The following SLC35E3 variants were observed in gnomAD, a reference collection of about 807,000 sequenced individuals.
SLC35E3 encodes solute carrier family 35 member E3, also known as bladder cancer-overexpressed gene 1 protein.
SLC35E3 carries 28 observed loss-of-function variants against 30.8 expected under a neutral mutation model. The observed-to-expected ratio is 0.91, with a 90% CI of 0.67 to 1.25. The LOEUF (loss-of-function observed/expected upper bound fraction) is 1.25, where lower values mean the gene tolerates loss of function less well. Among genes scored for constraint, SLC35E3 ranks in the 50% most tolerant of loss-of-function variants. The probability of loss-of-function intolerance (pLI) is 0.00; values close to 1 mark genes in which losing one functional copy is unlikely to be tolerated. For synonymous variants in SLC35E3, 146 were observed against 149.2 expected, an observed-to-expected ratio of 0.98 and a Z score of 0.16; for missense variants, 365 against 375.4, an observed-to-expected ratio of 0.97 and a Z score of 0.23.
rs764706463 is a variant in SLC35E3 at position 68,746,367 on chromosome 12, T to G, written c.-11T>G. On this transcript the variant is annotated 5_prime_UTR_variant, in exon 1 of 5. Transcript: ENST00000398004. ...CTTCCGAGGCTAGACGGCCCCAGCTTCGCGGGGATCATGGCATTGCTGGTG... is the reference window on the plus strand; with the variant it reads ...CTTCCGAGGCTAGACGGCCCCAGCTGCGCGGGGATCATGGCATTGCTGGTG... The G allele has an allele frequency of 8.3e-6, 13 of 1,556,994 alleles. No homozygotes were observed. Among genetic ancestry groups the G allele is most frequent in the Non-Finnish European group, 1.0e-5 (12 of 1,150,064 alleles).
Position 68,773,767 on chromosome 12 carries a change from A to G in SLC35E3, c.*8877A>G, listed in dbSNP as rs948198386. Reference sequence around the variant, plus strand: ...AGAATTATGGTGTGACTCATTGACCATATTTGTTAGGATCAGCATTTTTAT... The same window carrying G: ...AGAATTATGGTGTGACTCATTGACCGTATTTGTTAGGATCAGCATTTTTAT... On this transcript the variant is annotated 3_prime_UTR_variant, in exon 5 of 5. Transcript: ENST00000398004. 3 of 152,268 alleles carry G rather than the reference A, an allele frequency of 2.0e-5. No homozygotes were observed. In the East Asian group the frequency reaches 5.8e-4, roughly 29 times the overall value. The allele number at this position is 152,268 out of a possible 1,614,324, so 9.4% of individuals were successfully genotyped here.
At position 68,771,270 on chromosome 12, in the gene SLC35E3, T is replaced by C. The variant is rs1226583213; in HGVS notation, c.*6380T>C. ...GCCTGGGTGACAGAGAGAGACTCTATCTCAGAAAAAAAAAAAAAAGATGTT... is the reference window on the plus strand; with the variant it reads ...GCCTGGGTGACAGAGAGAGACTCTACCTCAGAAAAAAAAAAAAAAGATGTT... On this transcript the variant is annotated 3_prime_UTR_variant, in exon 5 of 5. Transcript: ENST00000398004. 1.4e-5 allele frequency: 2 copies of C among 148,138 alleles called. No individual in the cohort carries two copies. Among genetic ancestry groups the C allele is most frequent in the African/African-American group, 2.5e-5 (1 of 39,720 alleles). 9.2% of individuals were successfully genotyped at this position (148,138 alleles called of 1,614,324 possible).
rs540536534 is a variant in SLC35E3, at chr12:68,746,751, CCTT to C, written c.377_379del (p.Phe126del). On this transcript the variant is annotated inframe_deletion, in exon 1 of 5. Coordinates refer to ENST00000398004, the MANE Select transcript of SLC35E3 (RefSeq NM_018656.5). ...ATCCAGACCTTCTGCTACCAGAAAA[CCTT>C]CTCCACCAGAATCCAGCTCACGCTG... 1.7e-4 allele frequency: 268 copies of C among 1,595,782 alleles called. No homozygotes were observed. In the Admixed American group the frequency reaches 2.1e-3, roughly 12 times the overall value.
chr12:68,751,637 G>A (rs1043807260), intron 2 of SLC35E3, among the ~76,000 whole-genome samples: 6 of 152,068 alleles, frequency 3.9e-5, no homozygotes, highest in Non-Finnish European at 8.8e-5. Context: ...AGAAAGAAAT[G>A]AAGTCCAACA....
At position 68,752,074 on chromosome 12, in the gene SLC35E3, C is replaced by G. The variant is rs1433204740; in HGVS notation, c.556C>G (p.Gln186Glu). The G allele has an allele frequency of 3.7e-6, 6 of 1,611,674 alleles. No homozygotes were observed. The highest frequency in any genetic ancestry group is 5.1e-6 in the Non-Finnish European group (6 of 1,179,444). Residue 186 changes from glutamine (Q) to glutamate (E), a missense_variant, in exon 3 of 5, where the codon CAG (glutamine) becomes GAG (glutamate). Gln to Glu is a conservative substitution (Grantham distance 29, BLOSUM62 2). Transcript: ENST00000398004. ...KQHELQVNSM[Q>E]LLYYQAPMSS... ...GCATGAATTACAAGTGAACTCAATG[C>G]AGCTGCTGTACTACCAGGCTCCGAT... is the stretch of plus-strand genomic sequence containing the variant.
rs953586842 is a variant in SLC35E3 at position 68,767,300 on chromosome 12, C to G, written c.*2410C>G. 2.0e-4 allele frequency: 30 copies of G among 152,004 alleles called. No individual in the cohort carries two copies. Among genetic ancestry groups the G allele is most frequent in the African/African-American group, 7.2e-4 (30 of 41,472 alleles). 9.4% of individuals were successfully genotyped at this position (152,004 alleles called of 1,614,324 possible). On this transcript the variant is annotated 3_prime_UTR_variant, in exon 5 of 5. Coordinates refer to ENST00000398004, the MANE Select transcript of SLC35E3 (RefSeq NM_018656.5). ...TATTTATCAACTTTCATGGAGAAAA[C>G]AACTCTTAGGAGAACAAAGACCAGC...
chr12:68,764,555 T>G lies in SLC35E3; in HGVS notation c.756-149T>G. 5.4e-6 allele frequency: 3 copies of G among 551,436 alleles called. No individual in the cohort carries two copies. The South Asian group carries it at 1.1e-4, about 20-fold the overall frequency. 34.2% of individuals were successfully genotyped at this position (551,436 alleles called of 1,614,324 possible). ...CCACCACCTCAGCTTCCCAAAGTGC[T>G]GGGATTACAGGCATGATCCACCACG... On this transcript the variant is annotated intron_variant, in intron 4 of 4. Coordinates refer to ENST00000398004, the MANE Select transcript of SLC35E3 (RefSeq NM_018656.5).
At chr12:68,764,020 G>T (rs1565717887) in intron 4 of SLC35E3, among the ~76,000 whole-genome samples, 2 of 152,160 alleles carry the variant, frequency 1.3e-5, no homozygotes. Context: ...TTGGTGCTCA[G>T]TATTACTCCC....
At position 68,746,425 on chromosome 12, in the gene SLC35E3, C is replaced by A. The variant is rs747798560; in HGVS notation, c.48C>A (p.Ala16=). 1.2e-6 allele frequency: 2 copies of A among 1,611,630 alleles called. No individual in the cohort carries two copies. Among genetic ancestry groups the A allele is most frequent in the Admixed American group, 3.3e-5 (2 of 59,796 alleles). The change falls in exon 1 of 5, where the codon GCC becomes GCA. Residue 16 remains alanine, a synonymous_variant. Coordinates refer to ENST00000398004, the MANE Select transcript of SLC35E3 (RefSeq NM_018656.5). ...TGCGGGGCCACTGGCGAATCGCCGC[C>A]GGGCTCCTGTTCAACCTGCTGGTGT... ...DRVRGHWRIA[A]GLLFNLLVSI...
At chr12:68,753,703 C>T (rs1878891766) in intron 3 of SLC35E3, among the ~76,000 whole-genome samples, 1 of 151,828 alleles carries the variant, frequency 6.6e-6, no homozygotes, top group East Asian at 1.9e-4. Flanking sequence ...TTCCATTACC[C>T]CCTAATCTTC....
Position 68,767,043 on chromosome 12 carries a change from A to G in SLC35E3, c.*2153A>G, listed in dbSNP as rs141426138. The G allele has an allele frequency of 6.0e-6, 1 of 167,180 alleles. No homozygotes were observed. The highest frequency in any genetic ancestry group is 1.8e-4 in the East Asian group (1 of 5,478). 10.4% of individuals were successfully genotyped at this position (167,180 alleles called of 1,614,324 possible). ...AGGTGGCTGGGGAAAATTCTTGTAC[A>G]GCAAGTTGGGACAAAATAGCCATAT... On this transcript the variant is annotated 3_prime_UTR_variant, in exon 5 of 5. Coordinates refer to ENST00000398004, the MANE Select transcript of SLC35E3 (RefSeq NM_018656.5).
chr12:68,766,809 T>C lies in SLC35E3; in HGVS notation c.*1919T>C. 1 of 448,610 alleles carries C rather than the reference T, an allele frequency of 2.2e-6. No homozygotes were observed. The highest frequency in any genetic ancestry group is 3.5e-4 in the Middle Eastern group (1 of 2,844). 27.8% of individuals were successfully genotyped at this position (448,610 alleles called of 1,614,324 possible). ...CATGTTGCTCAGGCTGATCTCAAAC[T>C]CTTGAGCTCAAGCCATCTGTCTGCC... On this transcript the variant is annotated 3_prime_UTR_variant, in exon 5 of 5. Transcript: ENST00000398004.
At position 68,773,765 on chromosome 12, in the gene SLC35E3, C is replaced by T. The variant is rs555221065; in HGVS notation, c.*8875C>T. On this transcript the variant is annotated 3_prime_UTR_variant, in exon 5 of 5. Transcript: ENST00000398004. ...AGAGAATTATGGTGTGACTCATTGA[C>T]CATATTTGTTAGGATCAGCATTTTT... 138 of 152,132 alleles carry T rather than the reference C, an allele frequency of 9.1e-4. No individual in the cohort carries two copies. The highest frequency in any genetic ancestry group is 3.2e-3 in the African/African-American group (133 of 41,508). The allele number at this position is 152,132 out of a possible 1,614,324, so 9.4% of individuals were successfully genotyped here.
rs575185907 is a variant in SLC35E3 at position 68,753,637 on chromosome 12, C to G, written c.672+1447C>G. ...TAGATATGGAATGATATCATAGATGCTGTTTTTATTGCAGATTCCTTTTCC... is the reference window on the plus strand; with the variant it reads ...TAGATATGGAATGATATCATAGATGGTGTTTTTATTGCAGATTCCTTTTCC... On this transcript the variant is annotated intron_variant, in intron 3 of 4. Transcript: ENST00000398004. Among the ~76,000 whole-genome samples the G allele has an allele frequency of 7.3e-4, 111 of 152,094 alleles. 2 individuals carry two copies. Among genetic ancestry groups the G allele is most frequent in the African/African-American group, 2.6e-3 (109 of 41,482 alleles).
rs908917938 is a variant in SLC35E3, at chr12:68,777,383, A to G, written c.*12493A>G. ...TACTCAAATAGCATTCCTCACAGGAATGTCACACCTGTGACTCTCTCATAC... is the reference window on the plus strand; with the variant it reads ...TACTCAAATAGCATTCCTCACAGGAGTGTCACACCTGTGACTCTCTCATAC... On this transcript the variant is annotated 3_prime_UTR_variant, in exon 5 of 5. Coordinates refer to ENST00000398004, the MANE Select transcript of SLC35E3 (RefSeq NM_018656.5). 1 of 152,190 alleles carries G rather than the reference A, an allele frequency of 6.6e-6. No homozygotes were observed. Among genetic ancestry groups the G allele is most frequent in the African/African-American group, 2.4e-5 (1 of 41,458 alleles). The allele number at this position is 152,190 out of a possible 1,614,324, so 9.4% of individuals were successfully genotyped here.
chr12:68,772,689 T>G lies in SLC35E3; in HGVS notation c.*7799T>G, dbSNP rs11177365. The G allele has an allele frequency of 0.3, 45,657 of 152,152 alleles. 7,298 individuals carry two copies. Among genetic ancestry groups the G allele is most frequent in the Non-Finnish European group, 0.36 (24,725 of 68,002 alleles). The allele number at this position is 152,152 out of a possible 1,614,324, so 9.4% of individuals were successfully genotyped here. On this transcript the variant is annotated 3_prime_UTR_variant, in exon 5 of 5. Transcript: ENST00000398004. ...CACAAGAACAAGCATGGATACTTAT[T>G]TAACCAGCCAAGACTATGCATTTCT...
chr12:68,749,604 A>G (rs1878717515), intron 2 of SLC35E3, among the ~76,000 whole-genome samples: 2 of 152,210 alleles, frequency 1.3e-5, no homozygotes, highest in African/African-American at 4.8e-5. Flanking sequence ...GGTAGGAGGA[A>G]AATTCTGAGG....
rs1373882855 is a variant in SLC35E3 at position 68,772,090 on chromosome 12, T to A, written c.*7200T>A. 1 of 149,966 alleles carries A rather than the reference T, an allele frequency of 6.7e-6. No homozygotes were observed. Among genetic ancestry groups the A allele is most frequent in the Admixed American group, 6.6e-5 (1 of 15,056 alleles). The allele number at this position is 149,966 out of a possible 1,614,324, so 9.3% of individuals were successfully genotyped here. Reference sequence around the variant, plus strand: ...GTTTCCTCTGTCTCCCAGGCTTGGTTGTTGTGGCTCAATCTCAGTTCACTG... The same window carrying A: ...GTTTCCTCTGTCTCCCAGGCTTGGTAGTTGTGGCTCAATCTCAGTTCACTG... On this transcript the variant is annotated 3_prime_UTR_variant, in exon 5 of 5. Transcript: ENST00000398004.
intron 2 of SLC35E3, 83 bp downstream of exon 2, chr12:68,748,123 G>A: frequency 5.1e-6 from 4 of 790,736 alleles, no homozygotes; most frequent in South Asian, 3.1e-5. Context: ...AGAAAATACA[G>A]TATAGAGACA....
Sources: allele counts gnomAD v4.1 joint callset (sites outside exome capture counted in the v4.1 genomes callset), GRCh38; gene constraint gnomAD v4.1.1; transcripts MANE v1.5; gene names NCBI Gene and HGNC (gene_info 2026-07-23, HGNC 2026-07-21).